Variants in PBRM1 observed in about 807,000 individuals in gnomAD.
PBRM1 encodes polybromo 1.
Under a neutral mutation model 194.5 loss-of-function variants are expected in PBRM1, and 27 were observed. That is an observed-to-expected ratio of 0.14 (90% confidence interval 0.10 to 0.19). The LOEUF (loss-of-function observed/expected upper bound fraction) is 0.19. PBRM1 is among the 10% of genes least tolerant of loss of function. PBRM1 has a pLI of 1.00. For missense variants in PBRM1, 1,466 were observed against 2,077.2 expected (o/e 0.71, Z 5.72); for synonymous variants, 655 against 693.2 (o/e 0.94, Z 0.87).
chr3:52,551,121 C>G (rs2080875024), intron 27 of PBRM1, among the ~76,000 whole-genome samples: 1 of 152,226 alleles, frequency 6.6e-6, no homozygotes, highest in Non-Finnish European at 1.5e-5. Flanking sequence ...GAATATACCT[C>G]TACATTCAAG....
intron 25 of PBRM1, among the ~76,000 whole-genome samples, chr3:52,558,710 T>C (rs1045835910): frequency 1.3e-5 from 2 of 152,228 alleles, no homozygotes; most frequent in Non-Finnish European, 2.9e-5. Flanking sequence ...ATAACCACCA[T>C]GGTTAATCTC....
chr3:52,619,669 C>T (rs2095174474), intron 13 of PBRM1, among the ~76,000 whole-genome samples: 1 of 152,160 alleles, frequency 6.6e-6, no homozygotes, highest in Non-Finnish European at 1.5e-5. Flanking sequence ...TCTTCTGGTC[C>T]AGTCCCCTGA....
At chr3:52,566,495 G>A (rs2085256838) in intron 22 of PBRM1, among the ~76,000 whole-genome samples, 1 of 152,086 alleles carries the variant, frequency 6.6e-6, no homozygotes, top group Non-Finnish European at 1.5e-5. Flanking sequence ...ATAAAATTCT[G>A]ATATATGATA....
intron 19 of PBRM1, 72 bp downstream of exon 21, chr3:52,587,281 G>C: frequency 9.1e-7 from 1 of 1,099,132 alleles, no homozygotes; most frequent in Non-Finnish European, 1.4e-6. Context: ...TGTAAACATC[G>C]ATTATTTTCT....
intron 1 of PBRM1, 144 bp from the exon 3 acceptor site, chr3:52,678,741 C>G (rs2097155400): frequency 1.7e-6 from 1 of 576,538 alleles, no homozygotes; most frequent in African/African-American, 1.9e-5. Flanking sequence ...ATGCTAAAGT[C>G]TGAAATATGC....
chr3:52,615,540 GAC>G, intron 14 of PBRM1, 84 bp from the exon 17 acceptor site: 1 of 832,476 alleles, frequency 1.2e-6, no homozygotes, highest in South Asian at 1.5e-5. Flanking sequence ...GTTTTAAAAA[GAC>G]AGTTTATGAT....
intron 3 of PBRM1, among the ~76,000 whole-genome samples, chr3:52,666,083 C>G (rs1299033793): frequency 6.6e-6 from 1 of 151,896 alleles, no homozygotes; most frequent in East Asian, 1.9e-4. Flanking sequence ...AAAATGAAAT[C>G]AAAAGAAGGC....
upstream of PBRM1, among the ~76,000 whole-genome samples, chr3:52,683,347 C>CTGGG (rs1376643473): frequency 6.6e-6 from 1 of 151,216 alleles, no homozygotes; most frequent in Non-Finnish European, 1.5e-5. Flanking sequence ...GCACTCCAGT[C>CTGGG]TGGGTGACAG....
exon 13 of PBRM1, chr3:52,627,318 A>G: frequency 1.9e-6 from 3 of 1,613,738 alleles, no homozygotes; most frequent in Non-Finnish European, 2.5e-6. Context: ...TGAAGAGATC[A>G]TGCTGTCTCC....
chr3:52,592,129 T>G (rs1209293606), intron 17 of PBRM1, among the ~76,000 whole-genome samples: 1 of 148,814 alleles, frequency 6.7e-6, no homozygotes, highest in Non-Finnish European at 1.5e-5. Flanking sequence ...CAGGTTTTTT[T>G]TTTTTTTTTT....
At chr3:52,610,043 C>A in intron 15 of PBRM1, 88 bp from the exon 18 acceptor site, 1 of 768,200 alleles carries the variant, frequency 1.3e-6, no homozygotes, top group Non-Finnish European at 2.0e-6. Context: ...GGGACGATTC[C>A]AAGTAATTTG....
intron 2 of PBRM1, among the ~76,000 whole-genome samples, chr3:52,673,952 G>A (rs1429096492): frequency 6.6e-6 from 1 of 151,092 alleles, no homozygotes; most frequent in East Asian, 2.0e-4. Flanking sequence ...TTGGGAGGCT[G>A]AAGCATAAGA....
chr3:52,629,187 A>T (rs2095539401), intron 11 of PBRM1, 152 bp from the exon 13 acceptor site: 1 of 622,340 alleles, frequency 1.6e-6, no homozygotes, highest in Non-Finnish European at 2.8e-6. Context: ...TGAGATACAA[A>T]GTAAGGAGGC....
intron 4 of PBRM1, among the ~76,000 whole-genome samples, chr3:52,661,526 G>C (rs755623399): frequency 2.0e-5 from 3 of 152,194 alleles, no homozygotes; most frequent in Non-Finnish European, 4.4e-5. Context: ...TGTGATGACA[G>C]GGTGGGGTAG....
At chr3:52,684,013 T>C (rs1295314257), upstream of PBRM1, among the ~76,000 whole-genome samples, 1 of 151,748 alleles carries the variant, frequency 6.6e-6, no homozygotes, top group Non-Finnish European at 1.5e-5. Context: ...TCTACAAAAA[T>C]TAAAATTAGC....
intron 22 of PBRM1, among the ~76,000 whole-genome samples, chr3:52,575,290 A>G (rs902297220): frequency 8.5e-5 from 13 of 152,276 alleles, no homozygotes; most frequent in African/African-American, 2.9e-4. Context: ...ATAACCTATA[A>G]TAAGTATTAA....
At position 52,609,177 on chromosome 3, in the gene PBRM1, T is replaced by C; in HGVS notation, c.2567+136A>G. On this transcript the variant is annotated intron_variant, in intron 16 of 29. Transcript: ENST00000296302. The surrounding 1 kb of genome is among the most constrained non-coding windows in gnomAD (Gnocchi z 4.1). ...CTCACTCTTAAGAAGTTCTGGCTGA[T>C]TAGAATTCAGAATAGCATGCTACCA... 1.4e-6 allele frequency: 1 copy of C among 702,496 alleles called. No homozygotes were observed. The highest frequency in any genetic ancestry group is 2.3e-6 in the Non-Finnish European group (1 of 426,160). The allele number at this position is 702,496 out of a possible 1,614,324, so 43.5% of individuals were successfully genotyped here. A position where few individuals can be genotyped will look rare whatever the true frequency, so the allele number is the denominator to read the frequency against.
At chr3:52,640,286 A>G (rs1208289478) in intron 10 of PBRM1, among the ~76,000 whole-genome samples, 4 of 151,318 alleles carry the variant, frequency 2.6e-5, no homozygotes, top group Non-Finnish European at 5.9e-5. Flanking sequence ...TTTATTTTTT[A>G]TTTATTTTTT....
At chr3:52,633,943 A>G (rs1473788540) in intron 11 of PBRM1, among the ~76,000 whole-genome samples, 1 of 151,976 alleles carries the variant, frequency 6.6e-6, no homozygotes, top group African/African-American at 2.4e-5. Flanking sequence ...TCACTTTAAC[A>G]TTTTCTAAAT....
Sources: gnomAD v4.1 joint callset for allele counts (sites outside exome capture counted in the v4.1 genomes callset) on GRCh38, gnomAD v4.1.1 for gene constraint, Gnocchi (gnomAD v3.1) non-coding constraint, MANE v1.5 for transcripts, NCBI Gene and HGNC (gene_info 2026-07-23, HGNC 2026-07-21) for gene names.